The following BNC2 variants were observed in gnomAD, a reference collection of about 807,000 sequenced individuals.
BNC2 encodes basonuclin zinc finger protein 2.
In BNC2, 20 loss-of-function variants were observed where a neutral mutation model predicts 76.3. The ratio of observed to expected loss-of-function variants is 0.26; its 90% CI spans 0.18 to 0.38. The LOEUF (loss-of-function observed/expected upper bound fraction) is 0.38, where lower values mean the gene tolerates loss of function less well. BNC2 is among the 10% of genes least tolerant of loss of function. The probability of loss-of-function intolerance (pLI) is 1.00; values close to 1 mark genes in which losing one functional copy is unlikely to be tolerated. For missense variants in BNC2, 1,382 were observed against 1,399.8 expected, an observed-to-expected ratio of 0.99 and a Z score of 0.20; for synonymous variants, 582 against 514.8, an observed-to-expected ratio of 1.13 and a Z score of -1.77.
intron 4 of BNC2, chr9:16,575,384 T>A (rs547552557): frequency 1.0e-6 from 1 of 985,418 alleles, no homozygotes; most frequent in Admixed American, 6.1e-5. Flanking sequence ...AGCCTCACTT[T>A]ATGTTCCATC....
intron 3 of BNC2, among the ~76,000 whole-genome samples, chr9:16,672,624 C>A (rs749885362): frequency 3.9e-5 from 6 of 152,160 alleles, no homozygotes; most frequent in African/African-American, 1.2e-4. Context: ...TATGCATAAT[C>A]CTAAAAGAAC....
intron 3 of BNC2, among the ~76,000 whole-genome samples, chr9:16,649,205 C>A (rs1250631587): frequency 1.3e-5 from 2 of 152,300 alleles, no homozygotes; most frequent in Middle Eastern, 3.4e-3. Flanking sequence ...CGGGCCCCAG[C>A]ACACCCACTG....
intron 5 of BNC2, among the ~76,000 whole-genome samples, chr9:16,526,595 C>G (rs975480259): frequency 1.3e-4 from 20 of 148,952 alleles, no homozygotes; most frequent in African/African-American, 4.7e-4. Flanking sequence ...CCATTAGTCA[C>G]TCACTAAAAG....
At chr9:16,665,462 GAAAGAAAGAAAGAAAGAAAGAA>G (rs1822256926) in intron 3 of BNC2, among the ~76,000 whole-genome samples, 1 of 141,006 alleles carries the variant, frequency 7.1e-6, no homozygotes, top group African/African-American at 2.7e-5. Context: ...AAGAAAGAAA[GAAAGAAAGAAAGAAAGAAAGAA>G]AGAAAGAGAG....
chr9:16,775,384 C>G (rs1449270500), intron 1 of BNC2, among the ~76,000 whole-genome samples: 1 of 122,348 alleles, frequency 8.2e-6, no homozygotes, highest in Non-Finnish European at 1.7e-5. Flanking sequence ...TCCTTAAACA[C>G]TGATTTCGTT....
At chr9:16,684,180 A>T (rs1822909350) in intron 3 of BNC2, among the ~76,000 whole-genome samples, 1 of 152,136 alleles carries the variant, frequency 6.6e-6, no homozygotes, top group Admixed American at 6.5e-5. Flanking sequence ...TCCAACAATC[A>T]CCCATGACAG....
intron 5 of BNC2, among the ~76,000 whole-genome samples, chr9:16,547,718 G>A (rs565298624): frequency 6.6e-6 from 1 of 152,300 alleles, no homozygotes; most frequent in South Asian, 2.1e-4. Flanking sequence ...ATTCCAGGCA[G>A]AAGAAACCTT....
chr9:16,542,424 T>C (rs1381672932), intron 5 of BNC2, among the ~76,000 whole-genome samples: 1 of 152,026 alleles, frequency 6.6e-6, no homozygotes, highest in Non-Finnish European at 1.5e-5. Context: ...AGAGGAAAAG[T>C]AGACATAACA....
Position 16,437,372 on chromosome 9 carries a change from T to C in BNC2, c.822A>G (p.Pro274=). The C allele has an allele frequency of 1.9e-6, 3 of 1,613,716 alleles. No homozygotes were observed. Among genetic ancestry groups the C allele is most frequent in the Non-Finnish European group, 2.5e-6 (3 of 1,179,618 alleles). Residue 274 remains proline, a synonymous_variant, in exon 6 of 7, where the codon CCA becomes CCG. Transcript: ENST00000380672. ...TTATATCTGAGTCTGTCTTTGAAGATGGTACAGCCACGGCCTGCCCTTCTT... is the reference window on the plus strand; with the variant it reads ...TTATATCTGAGTCTGTCTTTGAAGACGGTACAGCCACGGCCTGCCCTTCTT... The part of the protein sequence containing the change: ...QEKEGQAVAV[P]SSKTDSDIRT...
intron 3 of BNC2, among the ~76,000 whole-genome samples, chr9:16,720,365 A>G (rs1237067545): frequency 6.6e-6 from 1 of 152,228 alleles, no homozygotes; most frequent in African/African-American, 2.4e-5. Context: ...GTGAGAAAGA[A>G]ATTACCTCTA....
At position 16,412,510 on chromosome 9, in the gene BNC2, GTTAACAC is replaced by G. The variant is rs1479362814; in HGVS notation, c.*6472_*6478del. ...CACCCATTACTCTCAAGATGGAATTGTTAACACTTAAGTTTTCAAAGAAGCAAAGGAT... is the reference window on the plus strand; with the variant it reads ...CACCCATTACTCTCAAGATGGAATTGTTAAGTTTTCAAAGAAGCAAAGGAT... On this transcript the variant is annotated 3_prime_UTR_variant, in exon 7 of 7. Coordinates refer to ENST00000380672, the MANE Select transcript of BNC2 (RefSeq NM_017637.6). The G allele has an allele frequency of 6.6e-6, 1 of 152,552 alleles. No individual in the cohort carries two copies. Among genetic ancestry groups the G allele is most frequent in the African/African-American group, 2.4e-5 (1 of 41,444 alleles). 9.4% of individuals were successfully genotyped at this position (152,552 alleles called of 1,614,324 possible). A position where few individuals can be genotyped will look rare whatever the true frequency, so the allele number is the denominator to read the frequency against.
At chr9:16,608,618 G>T (rs571451593) in intron 3 of BNC2, among the ~76,000 whole-genome samples, 1 of 152,216 alleles carries the variant, frequency 6.6e-6, no homozygotes, top group South Asian at 2.1e-4. Context: ...GGATCTTCCT[G>T]CCTCAGCCTC....
At chr9:16,575,016 G>C (rs1464804411) in intron 4 of BNC2, among the ~76,000 whole-genome samples, 1 of 152,192 alleles carries the variant, frequency 6.6e-6, no homozygotes, top group Non-Finnish European at 1.5e-5. Flanking sequence ...TTTATAGGAA[G>C]TTAGTGATAA....
intron 3 of BNC2, among the ~76,000 whole-genome samples, chr9:16,671,919 G>T (rs1822488976): frequency 6.6e-6 from 1 of 152,218 alleles, no homozygotes; most frequent in Non-Finnish European, 1.5e-5. Flanking sequence ...AAGTGTAACA[G>T]TGAAAATATA....
chr9:16,606,312 G>A lies in BNC2; in HGVS notation c.331-23227C>T, dbSNP rs10962507. ...AAAAGTTCACTCTGTCAGAGACTCTGAGGAATGGATTAGAGGGGAGAAATA... is the reference window on the plus strand; with the variant it reads ...AAAAGTTCACTCTGTCAGAGACTCTAAGGAATGGATTAGAGGGGAGAAATA... On this transcript the variant is annotated intron_variant, in intron 3 of 6. Coordinates refer to ENST00000380672, the MANE Select transcript of BNC2 (RefSeq NM_017637.6). 2.0e-5 allele frequency among the ~76,000 whole-genome samples: 3 copies of A among 152,262 alleles called. No individual in the cohort carries two copies. The East Asian group carries it at 5.8e-4, about 29-fold the overall frequency.
At chr9:16,859,860 C>T (rs1164034698) in intron 1 of BNC2, among the ~76,000 whole-genome samples, 2 of 152,242 alleles carry the variant, frequency 1.3e-5, no homozygotes, top group Non-Finnish European at 2.9e-5. Context: ...GCGGCTCACG[C>T]CTGTTATCCC....
rs1477268258 is a variant in BNC2 at position 16,414,570 on chromosome 9, G to A, written c.*4419C>T. ...GGGTGTGACCACAGGATGAAAAAAAGTTTCTTCTGGATGATTTGTTTCTTG... is the reference window on the plus strand; with the variant it reads ...GGGTGTGACCACAGGATGAAAAAAAATTTCTTCTGGATGATTTGTTTCTTG... On this transcript the variant is annotated 3_prime_UTR_variant, in exon 7 of 7. Coordinates refer to ENST00000380672, the MANE Select transcript of BNC2 (RefSeq NM_017637.6). 1 of 152,218 alleles carries A rather than the reference G, an allele frequency of 6.6e-6. No individual in the cohort carries two copies. The highest frequency in any genetic ancestry group is 2.4e-5 in the African/African-American group (1 of 41,462). 9.4% of individuals were successfully genotyped at this position (152,218 alleles called of 1,614,324 possible).
intron 5 of BNC2, among the ~76,000 whole-genome samples, chr9:16,454,579 C>G (rs529213341): frequency 6.6e-6 from 1 of 152,224 alleles, no homozygotes; most frequent in Non-Finnish European, 1.5e-5. Flanking sequence ...GCTGGGATTA[C>G]AGGCGTGAGC....
intron 1 of BNC2, among the ~76,000 whole-genome samples, chr9:16,841,798 CATT>C (rs1563966470): frequency 7.0e-6 from 1 of 142,754 alleles, no homozygotes; most frequent in Non-Finnish European, 1.5e-5. Context: ...GTCTGCAAGA[CATT>C]ATTATCAAAT....
Sources: allele counts gnomAD v4.1 joint callset (sites outside exome capture counted in the v4.1 genomes callset), GRCh38; gene constraint gnomAD v4.1.1; transcripts MANE v1.5; gene names NCBI Gene and HGNC (gene_info 2026-07-23, HGNC 2026-07-21).